DHX57: variants seen among roughly 807,000 people sequenced by gnomAD.
The protein encoded by DHX57 is putative ATP-dependent RNA helicase DHX57.
A neutral mutation model predicts 156.2 loss-of-function variants in DHX57; 105 were observed. The ratio of observed to expected loss-of-function variants is 0.67; its 90% CI spans 0.57 to 0.79. The LOEUF is 0.79. Among genes scored for constraint, DHX57 ranks in the 30% least tolerant of loss-of-function variants. DHX57 has a pLI of 0.00. For synonymous variants in DHX57, 704 were observed against 595.6 expected (o/e 1.18, Z -2.65); for missense variants, 1,847 against 1,661.9 (o/e 1.11, Z -1.94).
intron 21 of DHX57, among the ~76,000 whole-genome samples, chr2:38,806,921 G>C (rs1360801877): frequency 6.8e-6 from 1 of 147,126 alleles, no homozygotes; most frequent in Non-Finnish European, 1.5e-5. Context: ...GGCTCTGGGT[G>C]TCTATACCAC....
intron 4 of DHX57, 64 bp downstream of exon 4, chr2:38,862,081 G>GGTTT: frequency 6.7e-7 from 1 of 1,501,956 alleles, no homozygotes; most frequent in Non-Finnish European, 9.0e-7. Context: ...AGGGGTAGTG[G>GGTTT]GTTTATATGA....
intron 11 of DHX57, among the ~76,000 whole-genome samples, chr2:38,844,035 T>C (rs1019459221): frequency 2.6e-5 from 4 of 152,228 alleles, no homozygotes; most frequent in African/African-American, 9.6e-5. Flanking sequence ...AAGTGTATTG[T>C]AGCTTTTTAA....
In DHX57 at chr2:38,861,027, A is replaced by G. The variant is rs779246599; in HGVS notation, c.1383T>C (p.Asn461=). 5 of 1,613,714 alleles carry G rather than the reference A, an allele frequency of 3.1e-6. No homozygotes were observed. The South Asian group carries it at 4.4e-5, about 14-fold the overall frequency. ...PACHKTVIPN[N]SFVSNQIPEV... is the part of the protein sequence containing the mutation. Reference sequence around the variant, plus strand: ...CTGGAATTTGATTAGAAACAAAAGAATTATTTGGAATCACTGTTTTATGAC... The same window carrying G: ...CTGGAATTTGATTAGAAACAAAAGAGTTATTTGGAATCACTGTTTTATGAC... The change falls in exon 5 of 24, where the codon AAT becomes AAC. Residue 461 remains asparagine, a synonymous_variant. Transcript: ENST00000457308.
At chr2:38,824,153 A>G (rs181321230) in intron 16 of DHX57, among the ~76,000 whole-genome samples, 16 of 152,372 alleles carry the variant, frequency 1.1e-4, no homozygotes, top group African/African-American at 3.8e-4. Context: ...GTATATATAC[A>G]TACAGTGGAA....
At chr2:38,825,781 T>A (rs1424863009) in intron 16 of DHX57, 66 bp downstream of exon 16, 3 of 1,518,684 alleles carry the variant, frequency 2.0e-6, no homozygotes, top group Non-Finnish European at 2.7e-6. Flanking sequence ...AAGGAAAACA[T>A]GGAACTTAAT....
chr2:38,858,729 A>G lies in DHX57; in HGVS notation c.1519T>C (p.Tyr507His). The G allele has an allele frequency of 1.2e-6, 2 of 1,614,106 alleles. No individual in the cohort carries two copies. Among genetic ancestry groups the G allele is most frequent in the East Asian group, 2.2e-5 (1 of 44,872 alleles). The change falls in exon 6 of 24, where the codon TAT becomes CAT. Residue 507 changes from tyrosine to histidine, a missense_variant. Tyr to His is a moderately conservative substitution (Grantham distance 83, BLOSUM62 2). Coordinates refer to ENST00000457308, the MANE Select transcript of DHX57 (RefSeq NM_198963.3). ...TGTACTGACTTTGCCTGCCAGTCAT[A>G]TCTTTTGGAAATCTTTTTCTTAAGG... ...VNLKKKISKR[Y>H]DWQAKSVHAE...
intron 13 of DHX57, among the ~76,000 whole-genome samples, chr2:38,831,346 A>G (rs1671369979): frequency 6.8e-6 from 1 of 146,106 alleles, no homozygotes; most frequent in South Asian, 2.1e-4. Context: ...TTTGAGACGA[A>G]GTCTCGCTCT....
intron 21 of DHX57, among the ~76,000 whole-genome samples, chr2:38,812,307 A>C (rs1171750010): frequency 6.6e-6 from 1 of 152,250 alleles, no homozygotes; most frequent in Non-Finnish European, 1.5e-5. Flanking sequence ...AAGCATACAA[A>C]TGCTAAGCAG....
At chr2:38,802,960 CAA>C in intron 22 of DHX57, 45 bp from the exon 23 acceptor site, 1 of 1,606,672 alleles carries the variant, frequency 6.2e-7, no homozygotes, top group Non-Finnish European at 8.5e-7. Flanking sequence ...TCACTGGCAA[CAA>C]AAAGGGAACA....
At chr2:38,850,534 T>C (rs564258403) in intron 9 of DHX57, among the ~76,000 whole-genome samples, 6 of 152,098 alleles carry the variant, frequency 3.9e-5, no homozygotes, top group African/African-American at 1.4e-4. Context: ...AATGCTGGGA[T>C]TACTGAACAT....
intron 12 of DHX57, among the ~76,000 whole-genome samples, chr2:38,842,742 C>A (rs1308792410): frequency 6.6e-6 from 1 of 152,012 alleles, no homozygotes; most frequent in African/African-American, 2.4e-5. Flanking sequence ...AAGAATATAA[C>A]TTATATTTTA....
intron 13 of DHX57, among the ~76,000 whole-genome samples, chr2:38,837,607 G>C (rs534659122): frequency 3.6e-4 from 1 of 2,752 alleles, no homozygotes; most frequent in Admixed American, 0.018. Context: ...GCAAAACCCC[G>C]TCTCAAAAAA....
At chr2:38,798,930 G>A (rs149988455) in intron 23 of DHX57, among the ~76,000 whole-genome samples, 4 of 151,372 alleles carry the variant, frequency 2.6e-5, no homozygotes, top group Non-Finnish European at 4.4e-5. Flanking sequence ...GTGACATAGC[G>A]AGACTCTGTC....
chr2:38,838,288 A>T (rs992633627), intron 12 of DHX57, among the ~76,000 whole-genome samples: 11 of 152,082 alleles, frequency 7.2e-5, no homozygotes, highest in Admixed American at 7.2e-4. Flanking sequence ...TTTTGTAGAC[A>T]TGGGGTCTTG....
intron 21 of DHX57, among the ~76,000 whole-genome samples, chr2:38,807,757 C>T (rs941264579): frequency 6.6e-6 from 1 of 151,930 alleles, no homozygotes; most frequent in Non-Finnish European, 1.5e-5. Flanking sequence ...AAGTGATTCT[C>T]CTGCCTCAGC....
chr2:38,856,635 C>G (rs1672915164), intron 6 of DHX57, 174 bp from the exon 7 acceptor site: 2 of 753,666 alleles, frequency 2.7e-6, no homozygotes, highest in African/African-American at 1.8e-5. Flanking sequence ...TCCCAAGTAG[C>G]TGGGACTACA....
intron 11 of DHX57, among the ~76,000 whole-genome samples, chr2:38,845,729 G>C (rs1199275144): frequency 6.6e-6 from 1 of 152,118 alleles, no homozygotes. Context: ...TTTCAAAGAA[G>C]AGAGATCTGT....
At chr2:38,811,762 C>T (rs939273316) in intron 21 of DHX57, 5 of 478,890 alleles carry the variant, frequency 1.0e-5, no homozygotes, top group South Asian at 4.5e-5. Context: ...GCAGGGCCCA[C>T]GTCTTTCTTA....
chr2:38,840,306 C>A (rs1178400930), intron 12 of DHX57, among the ~76,000 whole-genome samples: 1 of 151,958 alleles, frequency 6.6e-6, no homozygotes, highest in Admixed American at 6.6e-5. Flanking sequence ...CTAGAAAATG[C>A]CTTAAAAATT....
Sources: gnomAD v4.1 joint callset for allele counts (sites outside exome capture counted in the v4.1 genomes callset) on GRCh38, gnomAD v4.1.1 for gene constraint, MANE v1.5 for transcripts, NCBI Gene and HGNC (gene_info 2026-07-23, HGNC 2026-07-21) for gene names.